Variants in KCNC1 observed in about 807,000 individuals in gnomAD.
KCNC1 encodes the protein potassium voltage-gated channel subfamily C member 1, also known as voltage-gated potassium channel KCNC1.
In KCNC1, 8 loss-of-function variants were observed where a neutral mutation model predicts 43.4. The ratio of observed to expected loss-of-function variants is 0.18; its 90% confidence interval spans 0.11 to 0.33. The LOEUF is 0.33. Among genes scored for constraint, KCNC1 ranks in the 10% least tolerant of loss-of-function variants. KCNC1 has a pLI of 1.00. For synonymous variants in KCNC1, 361 were observed against 360.5 expected (o/e 1.00, Z -0.01); for missense variants, 420 against 836.0 (o/e 0.50, Z 6.14).
At chr11:17,768,612 TGG>T (rs71457883) in intron 1 of KCNC1, among the ~76,000 whole-genome samples, 13,662 of 105,600 alleles carry the variant, frequency 0.13, 1,056 homozygotes, top group Non-Finnish European at 0.18. Flanking sequence ...TGGATGTTGG[TGG>T]GGGGGGGGGC....
Position 17,742,797 on chromosome 11 carries a change from C to T in KCNC1, c.570+6225C>T, listed in dbSNP as rs1189181303. Among the ~76,000 whole-genome samples the T allele has an allele frequency of 6.6e-6, 1 of 152,222 alleles. No individual in the cohort carries two copies. The highest frequency in any genetic ancestry group is 1.5e-5 in the Non-Finnish European group (1 of 68,038). ...AATCAGTGAGACTCAAACTCACAGC[C>T]TAGGCCTCTGGTCCCAGGGCCTGAC... On this transcript the variant is annotated intron_variant, in intron 1 of 3. Coordinates refer to ENST00000265969, the MANE Select transcript of KCNC1 (RefSeq NM_001112741.2). The surrounding 1 kb of genome is among the most constrained non-coding windows in gnomAD (Gnocchi z 4.2).
At chr11:17,752,926 A>G (rs757511) in intron 1 of KCNC1, among the ~76,000 whole-genome samples, 58,537 of 152,054 alleles carry the variant, frequency 0.38, 13,780 homozygotes, top group East Asian at 0.69. Flanking sequence ...ATTTCTGGAG[A>G]TGGTTGTGAA....
chr11:17,777,716 C>A lies in KCNC1; in HGVS notation c.1505-1740C>A, dbSNP rs529141078. The A allele has an allele frequency of 1.1e-5, 11 of 985,990 alleles. No homozygotes were observed. The highest frequency in any genetic ancestry group is 1.3e-5 in the Non-Finnish European group (11 of 829,954). 61.1% of individuals were successfully genotyped at this position (985,990 alleles called of 1,614,324 possible). A position where few individuals can be genotyped will look rare whatever the true frequency, so the allele number is the denominator to read the frequency against. On this transcript the variant is annotated intron_variant, in intron 2 of 3. Transcript: ENST00000265969. The surrounding 1 kb of genome is among the most constrained non-coding windows in gnomAD (Gnocchi z 4.3). ...GGGATTTGTCGAGAAACGCACTGTA[C>A]GTGAAATGCTTTGCCATCTTGTACG...
Position 17,779,663 on chromosome 11 carries a change from A to G in KCNC1, c.1693+19A>G, listed in dbSNP as rs1455162230. On this transcript the variant is annotated intron_variant, in intron 3 of 3. Coordinates refer to ENST00000265969, the MANE Select transcript of KCNC1 (RefSeq NM_001112741.2). This position sits in a 1 kb window ranked among gnomAD's most constrained non-coding sequence, Gnocchi z 7.2. The stretch of plus-strand genomic sequence containing the variant: ...AGAAAGGGTATGTAGAGGAAGCTGG[A>G]GCACCGTGCATCGTCCGGGCCGCCT... 6.6e-7 allele frequency: 1 copy of G among 1,504,328 alleles called. No homozygotes were observed. The highest frequency in any genetic ancestry group is 1.3e-5 in the South Asian group (1 of 77,766). 93.2% of individuals were successfully genotyped at this position (1,504,328 alleles called of 1,614,324 possible). A position where few individuals can be genotyped will look rare whatever the true frequency, so the allele number is the denominator to read the frequency against.
intron 2 of KCNC1, chr11:17,772,830 G>T: frequency 7.1e-7 from 1 of 1,406,348 alleles, no homozygotes; most frequent in Non-Finnish European, 9.2e-7. Flanking sequence ...AGGTTGACGC[G>T]GTTGGTCTCG....
Position 17,777,549 on chromosome 11 carries a change from A to C in KCNC1, c.1505-1907A>C. On this transcript the variant is annotated intron_variant, in intron 2 of 3. Coordinates refer to ENST00000265969, the MANE Select transcript of KCNC1 (RefSeq NM_001112741.2). The surrounding 1 kb of genome is among the most constrained non-coding windows in gnomAD (Gnocchi z 4.3). The stretch of plus-strand genomic sequence containing the variant: ...TGGGCCAGCCAGAGTGGGAGGCAGG[A>C]CCAGCGTGTCTGCGAGCACACGTGT... 1 of 985,908 alleles carries C rather than the reference A, an allele frequency of 1.0e-6. No individual in the cohort carries two copies. 61.1% of individuals were successfully genotyped at this position (985,908 alleles called of 1,614,324 possible).
intron 1 of KCNC1, among the ~76,000 whole-genome samples, chr11:17,770,168 G>A (rs1849207635): frequency 6.6e-6 from 1 of 152,232 alleles, no homozygotes; most frequent in South Asian, 2.1e-4. Context: ...CAAACAAGGC[G>A]GCCTCTAGGG....
chr11:17,735,920 G>A lies in KCNC1; in HGVS notation c.-83G>A. 1.5e-6 allele frequency: 2 copies of A among 1,361,866 alleles called. No individual in the cohort carries two copies. Among genetic ancestry groups the A allele is most frequent in the African/African-American group, 1.5e-5 (1 of 64,714 alleles). 84.4% of individuals were successfully genotyped at this position (1,361,866 alleles called of 1,614,324 possible). ...GGGGGGAGGGGGGAAGAGGGCGCGC[G>A]CCCCCCTCCCCGGCGCCAACTCCCC... On this transcript the variant is annotated 5_prime_UTR_variant, in exon 1 of 4. Transcript: ENST00000265969. The surrounding 1 kb of genome is among the most constrained non-coding windows in gnomAD (Gnocchi z 6.7).
chr11:17,735,851 G>A lies in KCNC1; in HGVS notation c.-152G>A, dbSNP rs1848758608. On this transcript the variant is annotated 5_prime_UTR_variant, in exon 1 of 4. Transcript: ENST00000265969. The surrounding 1 kb of genome is among the most constrained non-coding windows in gnomAD (Gnocchi z 6.7). ...GCGCCCGGAGAGGCTTGGCTCGCTC[G>A]TTGGGGTGGCCAGAGCCGCAGGCCT... 2.8e-5 allele frequency: 24 copies of A among 864,176 alleles called. No homozygotes were observed. The South Asian group carries it at 5.6e-4, about 20-fold the overall frequency. The allele number at this position is 864,176 out of a possible 1,614,324, so 53.5% of individuals were successfully genotyped here. A position where few individuals can be genotyped will look rare whatever the true frequency, so the allele number is the denominator to read the frequency against.
chr11:17,767,629 T>C (rs1849169345), intron 1 of KCNC1, among the ~76,000 whole-genome samples: 1 of 152,236 alleles, frequency 6.6e-6, no homozygotes, highest in Admixed American at 6.5e-5. Context: ...CTGAGCAGGC[T>C]GAGGCATCTT....
rs1418907957 is a variant in KCNC1 at position 17,773,521 on chromosome 11, C to T, written c.1504+923C>T. 1 of 984,140 alleles carries T rather than the reference C, an allele frequency of 1.0e-6. No individual in the cohort carries two copies. The highest frequency in any genetic ancestry group is 1.2e-6 in the Non-Finnish European group (1 of 829,772). 61.0% of individuals were successfully genotyped at this position (984,140 alleles called of 1,614,324 possible). A position where few individuals can be genotyped will look rare whatever the true frequency, so the allele number is the denominator to read the frequency against. On this transcript the variant is annotated intron_variant, in intron 2 of 3. Transcript: ENST00000265969. This position sits in a 1 kb window ranked among gnomAD's most constrained non-coding sequence, Gnocchi z 4.1. Reference sequence around the variant, plus strand: ...TGCAGCAGCAATATAGACATCCCAACCAGTGTACAACCACTTTCCCGTGAA... The same window carrying T: ...TGCAGCAGCAATATAGACATCCCAATCAGTGTACAACCACTTTCCCGTGAA...
At chr11:17,752,745 T>G (rs1590097762) in intron 1 of KCNC1, among the ~76,000 whole-genome samples, 1 of 152,192 alleles carries the variant, frequency 6.6e-6, no homozygotes, top group South Asian at 2.1e-4. Context: ...TCAGTTTCCT[T>G]CTTTATAAAA....
Position 17,771,773 on chromosome 11 carries a change from G to C in KCNC1, c.679G>C (p.Val227Leu). 1 of 1,614,258 alleles carries C rather than the reference G, an allele frequency of 6.2e-7. No homozygotes were observed. The highest frequency in any genetic ancestry group is 8.5e-7 in the Non-Finnish European group (1 of 1,180,038). Residue 227 changes from valine to leucine, a missense_variant, in exon 2 of 4, where the codon GTT (valine) becomes CTT (leucine). Coordinates refer to ENST00000265969, the MANE Select transcript of KCNC1 (RefSeq NM_001112741.2). The surrounding 1 kb of genome is among the most constrained non-coding windows in gnomAD (Gnocchi z 4.7). The stretch of plus-strand genomic sequence containing the variant: ...CGTGAACAAGACGGAGATCGAGAAC[G>C]TTCGCAATGGCACGCAAGTGCGCTA... ...PIVNKTEIEN[V>L]RNGTQVRYYR... is the part of the protein sequence containing the mutation.
intron 1 of KCNC1, among the ~76,000 whole-genome samples, chr11:17,762,753 C>T (rs1051654838): frequency 6.6e-6 from 1 of 152,140 alleles, no homozygotes; most frequent in African/African-American, 2.4e-5. Context: ...AACGTGGTTC[C>T]CCTCTCTGGT....
rs1371009315 is a variant in KCNC1 at position 17,781,807 on chromosome 11, G to A, written c.*73G>A. 9.4e-7 allele frequency: 1 copy of A among 1,063,456 alleles called. No homozygotes were observed. 65.9% of individuals were successfully genotyped at this position (1,063,456 alleles called of 1,614,324 possible). ...GACCTGCAGCCCCTCCTCACCCTCG[G>A]ACAGAGTAAATTCACGCCATGCAGG... On this transcript the variant is annotated 3_prime_UTR_variant, in exon 4 of 4. Transcript: ENST00000265969. The surrounding 1 kb of genome is among the most constrained non-coding windows in gnomAD (Gnocchi z 5.1).
At position 17,741,426 on chromosome 11, in the gene KCNC1, T is replaced by C. The variant is rs113512818; in HGVS notation, c.570+4854T>C. Reference sequence around the variant, plus strand: ...AAATGTTGGCTACTATTATTACTACTGTTGGTTGTATTATCATTTCCCCTC... The same window carrying C: ...AAATGTTGGCTACTATTATTACTACCGTTGGTTGTATTATCATTTCCCCTC... On this transcript the variant is annotated intron_variant, in intron 1 of 3. Coordinates refer to ENST00000265969, the MANE Select transcript of KCNC1 (RefSeq NM_001112741.2). Among the ~76,000 whole-genome samples, 1,391 of 152,230 alleles carry C rather than the reference T, an allele frequency of 9.1e-3. 24 individuals carry two copies. Among genetic ancestry groups the C allele is most frequent in the African/African-American group, 0.032 (1,309 of 41,518 alleles).
At chr11:17,759,192 CTGATGAACCAACT>C in intron 1 of KCNC1, among the ~76,000 whole-genome samples, 1 of 152,336 alleles carries the variant, frequency 6.6e-6, no homozygotes, top group East Asian at 1.9e-4. Context: ...TTCCTTAAAC[CTGATGAACCAACT>C]TCTGCTAGCT....
chr11:17,761,729 C>T (rs953505079), intron 1 of KCNC1, among the ~76,000 whole-genome samples: 2 of 152,192 alleles, frequency 1.3e-5, no homozygotes, highest in African/African-American at 2.4e-5. Flanking sequence ...TCTTATCTGG[C>T]CCCATGGATC....
chr11:17,736,932 C>T lies in KCNC1; in HGVS notation c.570+360C>T, dbSNP rs190672348. 3.9e-5 allele frequency among the ~76,000 whole-genome samples: 6 copies of T among 152,242 alleles called. No individual in the cohort carries two copies. The East Asian group carries it at 1.2e-3, about 29-fold the overall frequency. On this transcript the variant is annotated intron_variant, in intron 1 of 3. Transcript: ENST00000265969. This position sits in a 1 kb window ranked among gnomAD's most constrained non-coding sequence, Gnocchi z 9.3. Reference sequence around the variant, plus strand: ...GTGTATGTTCGAGTGTGCATGAGCGCCTGCCCGTGAACATTTGTGTCTTTG... The same window carrying T: ...GTGTATGTTCGAGTGTGCATGAGCGTCTGCCCGTGAACATTTGTGTCTTTG...
Sources: allele counts gnomAD v4.1 joint callset (sites outside exome capture counted in the v4.1 genomes callset), GRCh38; gene constraint gnomAD v4.1.1; non-coding constraint Gnocchi (gnomAD v3.1); transcripts MANE v1.5; gene names NCBI Gene and HGNC (gene_info 2026-07-23, HGNC 2026-07-21).